ARHGAP42: variants seen among roughly 807,000 people sequenced by gnomAD.
ARHGAP42 encodes the protein Rho GTPase activating protein 42.
ARHGAP42 carries 63 observed loss-of-function variants against 125.0 expected under a neutral mutation model. The observed-to-expected ratio is 0.50, with a 90% CI of 0.41 to 0.62. The LOEUF (loss-of-function observed/expected upper bound fraction) is 0.62. ARHGAP42 is among the 20% of genes least tolerant of loss of function. ARHGAP42 has a pLI of 0.00. For synonymous variants in ARHGAP42, 339 were observed against 351.0 expected (o/e 0.97, Z 0.38); for missense variants, 766 against 1,024.2 (o/e 0.75, Z 3.44).
chr11:100,797,646 A>G (rs1434684864), intron 3 of ARHGAP42, among the ~76,000 whole-genome samples: 1 of 152,168 alleles, frequency 6.6e-6, no homozygotes, highest in Non-Finnish European at 1.5e-5. Flanking sequence ...CTGCTCATTG[A>G]CAATATACCT....
At chr11:100,903,688 A>G (rs1386863411) in intron 4 of ARHGAP42, among the ~76,000 whole-genome samples, 6 of 126,414 alleles carry the variant, frequency 4.7e-5, no homozygotes, top group Non-Finnish European at 8.4e-5. Context: ...GACAGAATGT[A>G]TATATATACA....
intron 3 of ARHGAP42, among the ~76,000 whole-genome samples, chr11:100,857,227 G>GA (rs371187390): frequency 2.0e-5 from 3 of 150,048 alleles, no homozygotes; most frequent in African/African-American, 7.3e-5. Flanking sequence ...GGGAGAAGAA[G>GA]AAAAAAAAAT....
chr11:100,796,578 G>C (rs1591187866), intron 3 of ARHGAP42, among the ~76,000 whole-genome samples: 1 of 152,120 alleles, frequency 6.6e-6, no homozygotes, highest in Non-Finnish European at 1.5e-5. Flanking sequence ...AGTTAGCAAA[G>C]TGGTGAGTGC....
intron 4 of ARHGAP42, among the ~76,000 whole-genome samples, chr11:100,899,722 G>GTTTTTTTTTTTTTTTTTTT (rs767815247): frequency 3.0e-5 from 2 of 67,192 alleles, no homozygotes; most frequent in Non-Finnish European, 5.7e-5. Context: ...TTTGTGTTTT[G>GTTTTTTTTTTTTTTTTTTT]TTTTTTTTTT....
intron 3 of ARHGAP42, 57 bp from the exon 4 acceptor site, chr11:100,859,497 C>A: frequency 7.0e-7 from 1 of 1,424,728 alleles, no homozygotes; most frequent in South Asian, 1.4e-5. Context: ...GCCATTTTTT[C>A]AATGTTGTTG....
At chr11:100,725,283 G>T (rs1331256434) in intron 1 of ARHGAP42, among the ~76,000 whole-genome samples, 2 of 151,170 alleles carry the variant, frequency 1.3e-5, no homozygotes, top group Non-Finnish European at 2.9e-5. Flanking sequence ...CAATTCTCCT[G>T]CCTCAGCCTC....
chr11:100,882,300 A>G (rs1176914089), intron 4 of ARHGAP42, among the ~76,000 whole-genome samples: 1 of 152,080 alleles, frequency 6.6e-6, no homozygotes, highest in Non-Finnish European at 1.5e-5. Flanking sequence ...TTTTAATCAT[A>G]AAGGGGTGCT....
intron 1 of ARHGAP42, among the ~76,000 whole-genome samples, chr11:100,724,625 A>G (rs975506893): frequency 6.6e-6 from 1 of 151,868 alleles, no homozygotes; most frequent in Non-Finnish European, 1.5e-5. Context: ...CTTTATTATC[A>G]TTTCAGTACC....
intron 3 of ARHGAP42, among the ~76,000 whole-genome samples, chr11:100,858,164 G>C (rs1053098657): frequency 6.6e-6 from 1 of 150,796 alleles, no homozygotes; most frequent in Admixed American, 6.7e-5. Context: ...AGAGGTTTTA[G>C]AGAGAGAATT....
intron 1 of ARHGAP42, among the ~76,000 whole-genome samples, chr11:100,695,570 G>C (rs1861262819): frequency 6.6e-6 from 1 of 152,132 alleles, no homozygotes; most frequent in Non-Finnish European, 1.5e-5. Flanking sequence ...CTCCCAAAGT[G>C]CTGTGATTAC....
chr11:100,723,812 G>C (rs2120277598), intron 1 of ARHGAP42, among the ~76,000 whole-genome samples: 1 of 152,014 alleles, frequency 6.6e-6, no homozygotes, highest in African/African-American at 2.4e-5. Flanking sequence ...GTGGTGAGAG[G>C]GATATCATTG....
intron 5 of ARHGAP42, among the ~76,000 whole-genome samples, chr11:100,921,291 G>A (rs1453715255): frequency 9.6e-6 from 1 of 104,532 alleles, no homozygotes; most frequent in Non-Finnish European, 1.8e-5. Context: ...TGGGTATTGT[G>A]TACTTACTCC....
intron 3 of ARHGAP42, among the ~76,000 whole-genome samples, chr11:100,852,949 C>T (rs933623168): frequency 6.6e-6 from 1 of 152,004 alleles, no homozygotes; most frequent in African/African-American, 2.4e-5. Context: ...AATGCAGGAG[C>T]GAGTATTTAA....
At chr11:100,982,057 G>A (rs1315401184) in intron 22 of ARHGAP42, among the ~76,000 whole-genome samples, 1 of 152,144 alleles carries the variant, frequency 6.6e-6, no homozygotes, top group Non-Finnish European at 1.5e-5. Context: ...CTCTGTATAG[G>A]TGAAGGTGAA....
chr11:100,725,049 C>A (rs1861830336), intron 1 of ARHGAP42, among the ~76,000 whole-genome samples: 2 of 151,936 alleles, frequency 1.3e-5, no homozygotes, highest in Non-Finnish European at 2.9e-5. Context: ...TTTTAAATTT[C>A]TTTGGAGATT....
intron 9 of ARHGAP42, among the ~76,000 whole-genome samples, chr11:100,943,549 A>G (rs893611017): frequency 6.6e-6 from 1 of 152,138 alleles, no homozygotes; most frequent in Non-Finnish European, 1.5e-5. Flanking sequence ...ATTCTTTTAA[A>G]TAAAACATGC....
At chr11:100,742,872 T>A (rs1258334090) in intron 1 of ARHGAP42, among the ~76,000 whole-genome samples, 3 of 152,208 alleles carry the variant, frequency 2.0e-5, no homozygotes, top group Non-Finnish European at 2.9e-5. Flanking sequence ...TTTTATTTGA[T>A]ATAAGAATAG....
intron 1 of ARHGAP42, among the ~76,000 whole-genome samples, chr11:100,707,089 T>G (rs555190150): frequency 1.4e-4 from 21 of 152,382 alleles, no homozygotes; most frequent in African/African-American, 4.6e-4. Flanking sequence ...TTTCACTCCT[T>G]TTTATTGACA....
Position 100,991,072 on chromosome 11 carries a change from C to T in ARHGAP42, c.*2271C>T, listed in dbSNP as rs1325627894. On this transcript the variant is annotated 3_prime_UTR_variant, in exon 24 of 24. Transcript: ENST00000298815. Reference sequence around the variant, plus strand: ...GCATATGTTGCAGCCACAGTACTGGCTATGGTCCCTTTGCTGAAACAAGCT... The same window carrying T: ...GCATATGTTGCAGCCACAGTACTGGTTATGGTCCCTTTGCTGAAACAAGCT... 3.3e-5 allele frequency: 5 copies of T among 152,176 alleles called. No individual in the cohort carries two copies. The highest frequency in any genetic ancestry group is 7.3e-5 in the Non-Finnish European group (5 of 68,030). The allele number at this position is 152,176 out of a possible 1,614,324, so 9.4% of individuals were successfully genotyped here. A position where few individuals can be genotyped will look rare whatever the true frequency, so the allele number is the denominator to read the frequency against.
Sources: gnomAD v4.1 joint callset for allele counts (sites outside exome capture counted in the v4.1 genomes callset) on GRCh38, gnomAD v4.1.1 for gene constraint, MANE v1.5 for transcripts, NCBI Gene and HGNC (gene_info 2026-07-23, HGNC 2026-07-21) for gene names.